The following TOLLIP variants were observed in gnomAD, a reference collection of about 807,000 sequenced individuals.
TOLLIP encodes the protein toll-interacting protein.
In TOLLIP, 16 loss-of-function variants were observed where a neutral mutation model predicts 33.5. The observed-to-expected ratio is 0.48, with a 90% CI of 0.32 to 0.72. The LOEUF is 0.72. TOLLIP is among the 30% of genes least tolerant of loss of function. The pLI, the probability that TOLLIP is intolerant of heterozygous loss-of-function variation, is 0.03. For synonymous variants in TOLLIP, 176 were observed against 163.7 expected (o/e 1.07, Z -0.57); for missense variants, 325 against 396.6 (o/e 0.82, Z 1.53).
chr11:1,283,789 C>T (rs578176877), intron 5 of TOLLIP, among the ~76,000 whole-genome samples: 12 of 152,294 alleles, frequency 7.9e-5, no homozygotes, highest in African/African-American at 2.6e-4. Context: ...TGGAACTGCA[C>T]CCCCCAAAAA....
intron 5 of TOLLIP, among the ~76,000 whole-genome samples, chr11:1,282,441 G>A (rs1018771052): frequency 1.3e-5 from 2 of 150,920 alleles, no homozygotes; most frequent in African/African-American, 4.9e-5. Context: ...TGCACATTGC[G>A]CACATGTACC....
chr11:1,275,285 G>C lies in TOLLIP; in HGVS notation c.*1754C>G, dbSNP rs1224093296. The C allele has an allele frequency of 5.9e-5, 9 of 152,272 alleles. No homozygotes were observed. Among genetic ancestry groups the C allele is most frequent in the Non-Finnish European group, 1.3e-4 (9 of 68,068 alleles). 9.4% of individuals were successfully genotyped at this position (152,272 alleles called of 1,614,324 possible). ...CCCAGCAACGCGAAGGCAGAAACCG[G>C]TGCTGGTGGCCACACCTGGGCGCCT... On this transcript the variant is annotated 3_prime_UTR_variant, in exon 6 of 6. Coordinates refer to ENST00000317204, the MANE Select transcript of TOLLIP (RefSeq NM_019009.4).
At chr11:1,288,275 T>G (rs1863812750) in intron 4 of TOLLIP, among the ~76,000 whole-genome samples, 2 of 152,210 alleles carry the variant, frequency 1.3e-5, no homozygotes, top group African/African-American at 4.8e-5. Flanking sequence ...CCTGGAGGGC[T>G]GCTCAGCTGG....
intron 2 of TOLLIP, among the ~76,000 whole-genome samples, chr11:1,293,636 G>A (rs1218455592): frequency 6.6e-6 from 1 of 152,252 alleles, no homozygotes; most frequent in Non-Finnish European, 1.5e-5. Flanking sequence ...TCACGTGGAG[G>A]AAACAGGCTG....
intron 1 of TOLLIP, among the ~76,000 whole-genome samples, chr11:1,304,240 G>A (rs985754633): frequency 1.3e-4 from 20 of 152,180 alleles, no homozygotes; most frequent in East Asian, 5.8e-4. Context: ...ACCGTCCACC[G>A]GGAGTACTGT....
chr11:1,285,900 TC>T, intron 5 of TOLLIP, 101 bp downstream of exon 5: 2 of 805,654 alleles, frequency 2.5e-6, no homozygotes, highest in Non-Finnish European at 4.0e-6. Context: ...ATGGATGACG[TC>T]CCCACCCCGG....
rs906544916 is a variant in TOLLIP, at chr11:1,290,811, C to T, written c.184-402G>A. On this transcript the variant is annotated intron_variant, in intron 2 of 5. Coordinates refer to ENST00000317204, the MANE Select transcript of TOLLIP (RefSeq NM_019009.4). The surrounding 1 kb of genome is among the most constrained non-coding windows in gnomAD (Gnocchi z 4.9). ...ATGACATGGAGTGTGAACCTGCCCC[C>T]GGAGCATGATGACCCGGGAGAGGTG... 26 of 178,782 alleles carry T rather than the reference C, an allele frequency of 1.5e-4. No individual in the cohort carries two copies. The highest frequency in any genetic ancestry group is 5.2e-4 in the African/African-American group (22 of 42,388). The allele number at this position is 178,782 out of a possible 1,614,324, so 11.1% of individuals were successfully genotyped here.
At chr11:1,296,040 G>A (rs1332311784) in intron 1 of TOLLIP, among the ~76,000 whole-genome samples, 4 of 152,308 alleles carry the variant, frequency 2.6e-5, no homozygotes, top group Middle Eastern at 3.4e-3. Context: ...GGTTTCTGCC[G>A]CTAAAAATGG....
rs1480681427 is a variant in TOLLIP at position 1,278,145 on chromosome 11, T to C, written c.611-892A>G. ...ACTCGCCTCCCAGCCTGGTGGCCGC[T>C]CCCTAAAACCACGAGCAGCCCTGAG... is the stretch of plus-strand genomic sequence containing the variant. On this transcript the variant is annotated intron_variant, in intron 5 of 5. Transcript: ENST00000317204. The surrounding 1 kb of genome is among the most constrained non-coding windows in gnomAD (Gnocchi z 4.7). 6.6e-6 allele frequency among the ~76,000 whole-genome samples: 1 copy of C among 151,882 alleles called. No homozygotes were observed. The highest frequency in any genetic ancestry group is 1.5e-5 in the Non-Finnish European group (1 of 67,950).
rs1864088646 is a variant in TOLLIP at position 1,295,629 on chromosome 11, G to A, written c.183+16C>T. ...GCACCAGCCCCAGGCAGGCAGGAGG[G>A]TGCCCCAAGGCCCACCTGTACCACC... is the stretch of plus-strand genomic sequence containing the variant. On this transcript the variant is annotated intron_variant, in intron 2 of 5. Coordinates refer to ENST00000317204, the MANE Select transcript of TOLLIP (RefSeq NM_019009.4). 2.6e-6 allele frequency: 4 copies of A among 1,522,698 alleles called. No individual in the cohort carries two copies. Among genetic ancestry groups the A allele is most frequent in the Non-Finnish European group, 3.6e-6 (4 of 1,123,442 alleles). 94.3% of individuals were successfully genotyped at this position (1,522,698 alleles called of 1,614,324 possible). A position where few individuals can be genotyped will look rare whatever the true frequency, so the allele number is the denominator to read the frequency against.
intron 1 of TOLLIP, among the ~76,000 whole-genome samples, chr11:1,299,446 T>C (rs1470055581): frequency 1.3e-5 from 2 of 152,168 alleles, no homozygotes; most frequent in Non-Finnish European, 2.9e-5. Flanking sequence ...GTAAACCCTA[T>C]CGTTTCAGTG....
Position 1,278,142 on chromosome 11 carries a change from C to A in TOLLIP, c.611-889G>T, listed in dbSNP as rs1863371501. Among the ~76,000 whole-genome samples the A allele has an allele frequency of 2.0e-5, 3 of 152,122 alleles. No homozygotes were observed. The South Asian group carries it at 6.2e-4, about 32-fold the overall frequency. On this transcript the variant is annotated intron_variant, in intron 5 of 5. Coordinates refer to ENST00000317204, the MANE Select transcript of TOLLIP (RefSeq NM_019009.4). This position sits in a 1 kb window ranked among gnomAD's most constrained non-coding sequence, Gnocchi z 4.7. The stretch of plus-strand genomic sequence containing the variant: ...AAGACTCGCCTCCCAGCCTGGTGGC[C>A]GCTCCCTAAAACCACGAGCAGCCCT...
rs573151232 is a variant in TOLLIP at position 1,278,885 on chromosome 11, G to T, written c.611-1632C>A. ...CTGGGATCCCCGTGGCTTTTTGGGC[G>T]CCCCGGCTGGCAGGCGGGCAGGAAC... On this transcript the variant is annotated intron_variant, in intron 5 of 5. Transcript: ENST00000317204. This position sits in a 1 kb window ranked among gnomAD's most constrained non-coding sequence, Gnocchi z 4.7. 2.0e-5 allele frequency among the ~76,000 whole-genome samples: 3 copies of T among 152,150 alleles called. No individual in the cohort carries two copies. The highest frequency in any genetic ancestry group is 4.4e-5 in the Non-Finnish European group (3 of 68,030).
chr11:1,288,908 C>T, intron 3 of TOLLIP, 132 bp from the exon 4 acceptor site: 1 of 972,146 alleles, frequency 1.0e-6, no homozygotes, highest in Non-Finnish European at 1.5e-6. Flanking sequence ...GCACCAACAC[C>T]CCATCGATGA....
chr11:1,285,940 A>G (rs1332211964), intron 5 of TOLLIP, 62 bp downstream of exon 5: 16 of 1,383,086 alleles, frequency 1.2e-5, no homozygotes, highest in Non-Finnish European at 1.6e-5. Flanking sequence ...CTCCTCCCGC[A>G]CCTGCCCTAG....
chr11:1,300,874 C>T (rs1864252776), intron 1 of TOLLIP, among the ~76,000 whole-genome samples: 1 of 152,236 alleles, frequency 6.6e-6, no homozygotes, highest in African/African-American at 2.4e-5. Context: ...GACTGGCCCC[C>T]TGCGGAGCCT....
chr11:1,306,012 G>GCAGGGGCCCCCATGATACTCCTCA (rs1368802506), intron 1 of TOLLIP: 1 of 151,892 alleles, frequency 6.6e-6, no homozygotes, highest in Non-Finnish European at 1.5e-5. Flanking sequence ...AGTACCCCTC[G>GCAGGGGCCCCCATGATACTCCTCA]CAGGGGCCCC....
intron 1 of TOLLIP, among the ~76,000 whole-genome samples, chr11:1,296,127 G>A (rs1010669024): frequency 2.0e-5 from 3 of 152,224 alleles, no homozygotes; most frequent in Non-Finnish European, 4.4e-5. Context: ...GTGTGCCCAC[G>A]GCTTCTTTCT....
chr11:1,295,823 TGA>T, intron 1 of TOLLIP, 29 bp from the exon 2 acceptor site: 1 of 1,526,322 alleles, frequency 6.6e-7, no homozygotes, highest in Non-Finnish European at 8.8e-7. Context: ...GAGAGGCCAG[TGA>T]GTCAGGGTGG....
Sources: allele counts gnomAD v4.1 joint callset (sites outside exome capture counted in the v4.1 genomes callset), GRCh38; gene constraint gnomAD v4.1.1; non-coding constraint Gnocchi (gnomAD v3.1); transcripts MANE v1.5; gene names NCBI Gene and HGNC (gene_info 2026-07-23, HGNC 2026-07-21).